The following CCSER1 variants were observed in gnomAD, a reference collection of about 807,000 sequenced individuals.
CCSER1 encodes coiled-coil serine rich protein 1.
A neutral mutation model predicts 82.0 loss-of-function variants in CCSER1; 41 were observed. The ratio of observed to expected loss-of-function variants is 0.50; its 90% CI spans 0.39 to 0.65. The LOEUF (loss-of-function observed/expected upper bound fraction) is 0.65, where lower values mean the gene tolerates loss of function less well. Ranked by LOEUF, CCSER1 falls within the 30% of genes least tolerant of loss-of-function variation. CCSER1 has a pLI of 0.00. For missense variants in CCSER1, 1,119 were observed against 1,064.2 expected, an observed-to-expected ratio of 1.05 and a Z score of -0.72; for synonymous variants, 414 against 383.9, an observed-to-expected ratio of 1.08 and a Z score of -0.92.
At chr4:90,535,103 C>A (rs1775146675) in intron 5 of CCSER1, among the ~76,000 whole-genome samples, 1 of 151,696 alleles carries the variant, frequency 6.6e-6, no homozygotes, top group Non-Finnish European at 1.5e-5. Context: ...TTTTTTTTTA[C>A]TTAGCTACAC....
At chr4:90,374,045 C>T (rs1258678739) in intron 3 of CCSER1, among the ~76,000 whole-genome samples, 1 of 152,144 alleles carries the variant, frequency 6.6e-6, no homozygotes, top group African/African-American at 2.4e-5. Context: ...GTGGCTTTTG[C>T]CAACATCCAC....
intron 7 of CCSER1, among the ~76,000 whole-genome samples, chr4:90,738,717 C>T (rs1164723951): frequency 5.3e-5 from 8 of 152,136 alleles, no homozygotes; most frequent in African/African-American, 7.2e-5. Flanking sequence ...CTTCCCTTCA[C>T]GGCACTGAGT....
At chr4:91,008,965 G>C (rs1478104074) in intron 9 of CCSER1, among the ~76,000 whole-genome samples, 2 of 152,212 alleles carry the variant, frequency 1.3e-5, no homozygotes, top group Non-Finnish European at 2.9e-5. Flanking sequence ...CTAGTGTTCA[G>C]CTCGATTAGG....
At chr4:90,486,506 G>A (rs1340522761) in intron 5 of CCSER1, among the ~76,000 whole-genome samples, 1 of 152,206 alleles carries the variant, frequency 6.6e-6, no homozygotes, top group Admixed American at 6.5e-5. Flanking sequence ...CTTTCTTGAA[G>A]TAAATGCTTT....
intron 10 of CCSER1, among the ~76,000 whole-genome samples, chr4:91,370,319 A>G (rs541967360): frequency 1.3e-5 from 2 of 152,336 alleles, no homozygotes; most frequent in South Asian, 4.1e-4. Flanking sequence ...CTGGATTAAT[A>G]TTTTAAGTAA....
At chr4:90,304,779 C>T (rs933964267) in intron 1 of CCSER1, among the ~76,000 whole-genome samples, 29 of 151,022 alleles carry the variant, frequency 1.9e-4, no homozygotes, top group African/African-American at 6.8e-4. Context: ...GCACATGTAC[C>T]CTAAAACTTA....
intron 10 of CCSER1, among the ~76,000 whole-genome samples, chr4:91,254,083 A>G (rs1457517145): frequency 2.0e-5 from 3 of 152,186 alleles, no homozygotes; most frequent in African/African-American, 7.2e-5. Context: ...ATCAAAATAT[A>G]TGAAACAAAA....
intron 5 of CCSER1, among the ~76,000 whole-genome samples, chr4:90,593,468 T>G (rs1287445544): frequency 6.6e-6 from 1 of 152,088 alleles, no homozygotes; most frequent in Non-Finnish European, 1.5e-5. Context: ...ACAGAATTTT[T>G]GGGGGTTTAA....
At chr4:91,164,372 T>G (rs1220448722) in intron 10 of CCSER1, among the ~76,000 whole-genome samples, 1 of 152,206 alleles carries the variant, frequency 6.6e-6, no homozygotes, top group Non-Finnish European at 1.5e-5. Context: ...ATTTTTTCCT[T>G]CATTTCAACC....
At chr4:90,569,139 T>G (rs1779796757) in intron 5 of CCSER1, among the ~76,000 whole-genome samples, 1 of 152,120 alleles carries the variant, frequency 6.6e-6, no homozygotes, top group Non-Finnish European at 1.5e-5. Flanking sequence ...TATAGGATTT[T>G]GCTTTGTAGT....
At chr4:90,884,153 A>G (rs1721760184) in intron 8 of CCSER1, among the ~76,000 whole-genome samples, 1 of 152,196 alleles carries the variant, frequency 6.6e-6, no homozygotes. Flanking sequence ...CTCAATGGAG[A>G]GGTCACTACA....
intron 6 of CCSER1, among the ~76,000 whole-genome samples, chr4:90,637,699 C>G (rs1279439541): frequency 2.0e-5 from 3 of 152,120 alleles, no homozygotes; most frequent in Non-Finnish European, 2.9e-5. Context: ...AACCTGTAAA[C>G]TAATACACAT....
intron 5 of CCSER1, among the ~76,000 whole-genome samples, chr4:90,554,124 G>A (rs528546488): frequency 6.6e-6 from 1 of 152,166 alleles, no homozygotes; most frequent in African/African-American, 2.4e-5. Context: ...ACTTTGGTAG[G>A]CAGAAGTGGG....
intron 1 of CCSER1, among the ~76,000 whole-genome samples, chr4:90,289,026 C>T (rs1190036248): frequency 6.6e-6 from 1 of 151,892 alleles, no homozygotes. Context: ...CCCTTTCCTT[C>T]CTCCTCTCCT....
intron 3 of CCSER1, among the ~76,000 whole-genome samples, chr4:90,348,230 T>G (rs1185720897): frequency 1.3e-5 from 2 of 152,100 alleles, no homozygotes; most frequent in East Asian, 3.9e-4. Context: ...CACGTTTACC[T>G]ATGTAACCAA....
intron 7 of CCSER1, among the ~76,000 whole-genome samples, chr4:90,786,152 T>C (rs1474310056): frequency 6.6e-6 from 1 of 152,116 alleles, no homozygotes; most frequent in East Asian, 1.9e-4. Context: ...GCTGGGCAGA[T>C]AGAAAGACGA....
chr4:90,469,540 C>CACACACACACACACACAT (rs977355214), intron 5 of CCSER1, among the ~76,000 whole-genome samples: 3 of 151,132 alleles, frequency 2.0e-5, no homozygotes, highest in African/African-American at 7.3e-5. Flanking sequence ...CACACACACA[C>CACACACACACACACACAT]ACACACACAC....
intron 4 of CCSER1, among the ~76,000 whole-genome samples, chr4:90,431,861 A>G (rs192355897): frequency 6.6e-6 from 1 of 152,224 alleles, no homozygotes; most frequent in Non-Finnish European, 1.5e-5. Context: ...TGCATTTGTC[A>G]TCAGTCCTTC....
At chr4:90,399,296 T>G (rs1235822863) in intron 3 of CCSER1, among the ~76,000 whole-genome samples, 2 of 152,114 alleles carry the variant, frequency 1.3e-5, no homozygotes, top group African/African-American at 4.8e-5. Context: ...TTTGCCCTCT[T>G]GAAAATAAAA....
Sources: gnomAD v4.1 joint callset for allele counts (sites outside exome capture counted in the v4.1 genomes callset) on GRCh38, gnomAD v4.1.1 for gene constraint, MANE v1.5 for transcripts, NCBI Gene and HGNC (gene_info 2026-07-23, HGNC 2026-07-21) for gene names.